The following DYRK1A variants were observed in gnomAD, a reference collection of about 807,000 sequenced individuals.
The protein encoded by DYRK1A is dual specificity tyrosine-phosphorylation-regulated kinase 1A.
DYRK1A carries 9 observed loss-of-function variants against 79.7 expected under a neutral mutation model. The observed-to-expected ratio is 0.11, with a 90% CI of 0.07 to 0.20. DYRK1A has a LOEUF of 0.20. Among genes scored for constraint, DYRK1A ranks in the 10% least tolerant of loss-of-function variants. The pLI is 1.00. For synonymous variants in DYRK1A, 349 were observed against 329.7 expected, an observed-to-expected ratio of 1.06 and a Z score of -0.63; for missense variants, 622 against 956.0, an observed-to-expected ratio of 0.65 and a Z score of 4.61.
chr21:37,415,147 G>A (rs969437743), intron 1 of DYRK1A, among the ~76,000 whole-genome samples: 1 of 152,162 alleles, frequency 6.6e-6, no homozygotes, highest in Non-Finnish European at 1.5e-5. Flanking sequence ...TTCAGGCCCA[G>A]ATGTGCTCTC....
intron 2 of DYRK1A, among the ~76,000 whole-genome samples, chr21:37,440,342 G>C (rs2051065050): frequency 6.6e-6 from 1 of 151,642 alleles, no homozygotes; most frequent in Non-Finnish European, 1.5e-5. Context: ...TCACCATGCT[G>C]ATCAGGCTGG....
intron 1 of DYRK1A, among the ~76,000 whole-genome samples, chr21:37,395,253 C>T (rs2049939593): frequency 6.6e-6 from 1 of 152,192 alleles, no homozygotes; most frequent in East Asian, 1.9e-4. Flanking sequence ...ACTAGGCTAA[C>T]TATACCTAAG....
At chr21:37,500,926 TTTC>T (rs2053423927) in intron 9 of DYRK1A, among the ~76,000 whole-genome samples, 1 of 150,878 alleles carries the variant, frequency 6.6e-6, no homozygotes, top group East Asian at 2.0e-4. Flanking sequence ...ACTTTGTTGA[TTTC>T]TTTTTTTTTT....
At chr21:37,459,706 G>A (rs958983154) in intron 2 of DYRK1A, among the ~76,000 whole-genome samples, 2 of 152,184 alleles carry the variant, frequency 1.3e-5, no homozygotes, top group African/African-American at 4.8e-5. Context: ...GATACTGCCT[G>A]ACAGGGCTGC....
At chr21:37,484,282 G>A (rs1269652818) in intron 5 of DYRK1A, among the ~76,000 whole-genome samples, 1 of 150,746 alleles carries the variant, frequency 6.6e-6, no homozygotes, top group African/African-American at 2.4e-5. Context: ...TGCTACCTCC[G>A]CCATGAAAAC....
chr21:37,440,153 T>TTTTTTTTTTTTTTTTTTTTTA (rs61289767), intron 2 of DYRK1A, among the ~76,000 whole-genome samples: 1 of 122,050 alleles, frequency 8.2e-6, no homozygotes, highest in African/African-American at 3.1e-5. Context: ...TTTTTTTTTT[T>TTTTTTTTTTTTTTTTTTTTTA]GAGACGGAGT....
At chr21:37,455,199 T>C (rs990449701) in intron 2 of DYRK1A, among the ~76,000 whole-genome samples, 2 of 152,078 alleles carry the variant, frequency 1.3e-5, no homozygotes, top group Admixed American at 1.3e-4. Context: ...CCTGGGCTCT[T>C]TGGACAGATG....
At chr21:37,436,508 G>A (rs1308034487) in intron 2 of DYRK1A, among the ~76,000 whole-genome samples, 2 of 152,140 alleles carry the variant, frequency 1.3e-5, no homozygotes, top group African/African-American at 2.4e-5. Flanking sequence ...GTGTCTGATG[G>A]TTAAAGCATA....
intron 2 of DYRK1A, among the ~76,000 whole-genome samples, chr21:37,441,665 T>C (rs1463686374): frequency 6.6e-6 from 1 of 152,190 alleles, no homozygotes; most frequent in Non-Finnish European, 1.5e-5. Context: ...AGTATTCTTC[T>C]ATTTCTCTAC....
chr21:37,449,644 C>G (rs999014606), intron 2 of DYRK1A, among the ~76,000 whole-genome samples: 1 of 152,220 alleles, frequency 6.6e-6, no homozygotes, highest in African/African-American at 2.4e-5. Flanking sequence ...TTAGCAGTCT[C>G]TTTCGTGTGG....
At chr21:37,497,537 C>G (rs1019401883) in intron 9 of DYRK1A, among the ~76,000 whole-genome samples, 1 of 152,160 alleles carries the variant, frequency 6.6e-6, no homozygotes, top group Non-Finnish European at 1.5e-5. Context: ...TAAAGGCGTT[C>G]CTACCAGTTT....
At chr21:37,440,738 C>T (rs906670110) in intron 2 of DYRK1A, among the ~76,000 whole-genome samples, 1 of 151,992 alleles carries the variant, frequency 6.6e-6, no homozygotes, top group Admixed American at 6.5e-5. Context: ...TTACTTTATT[C>T]TGATTTAGTT....
At chr21:37,496,905 A>C (rs771574449) in intron 9 of DYRK1A, among the ~76,000 whole-genome samples, 2 of 152,194 alleles carry the variant, frequency 1.3e-5, no homozygotes, top group Non-Finnish European at 2.9e-5. Context: ...ATGTCAGTTT[A>C]ATAGAGTAAA....
At chr21:37,473,143 A>G (rs1358463084) in intron 3 of DYRK1A, among the ~76,000 whole-genome samples, 2 of 151,974 alleles carry the variant, frequency 1.3e-5, no homozygotes, top group East Asian at 1.9e-4. Context: ...GAAGAATATT[A>G]AAGGATCTTG....
chr21:37,446,463 A>C (rs903324683), intron 2 of DYRK1A, among the ~76,000 whole-genome samples: 4 of 152,226 alleles, frequency 2.6e-5, no homozygotes, highest in Non-Finnish European at 4.4e-5. Flanking sequence ...AAATCATTTA[A>C]ATTGATTTTC....
At chr21:37,401,441 G>A (rs918467781) in intron 1 of DYRK1A, among the ~76,000 whole-genome samples, 2 of 147,470 alleles carry the variant, frequency 1.4e-5, no homozygotes, top group Non-Finnish European at 3.0e-5. Context: ...CTTAAGATAC[G>A]TATTTTGAAG....
At chr21:37,366,721 G>GACGTCAGC (rs1452342902), upstream of DYRK1A, among the ~76,000 whole-genome samples, 1 of 152,020 alleles carries the variant, frequency 6.6e-6, no homozygotes, top group Non-Finnish European at 1.5e-5. Flanking sequence ...GCGGGAGGAG[G>GACGTCAGC]ACGTCAGCAC....
At chr21:37,460,602 T>C (rs1309331247) in intron 2 of DYRK1A, among the ~76,000 whole-genome samples, 1 of 152,234 alleles carries the variant, frequency 6.6e-6, no homozygotes. Context: ...ACCTGTCTTT[T>C]GTTTCCAAAC....
At chr21:37,439,051 T>G (rs1330540699) in intron 2 of DYRK1A, among the ~76,000 whole-genome samples, 1 of 152,218 alleles carries the variant, frequency 6.6e-6, no homozygotes, top group Non-Finnish European at 1.5e-5. Context: ...CATATTTTTG[T>G]CACTATTTTA....
Sources: gnomAD v4.1 joint callset for allele counts (sites outside exome capture counted in the v4.1 genomes callset) on GRCh38, gnomAD v4.1.1 for gene constraint, MANE v1.5 for transcripts, NCBI Gene and HGNC (gene_info 2026-07-23, HGNC 2026-07-21) for gene names.